Variants in PITPNM3 observed in about 807,000 individuals in gnomAD.
PITPNM3 encodes membrane-associated phosphatidylinositol transfer protein 3.
A neutral mutation model predicts 102.0 loss-of-function variants in PITPNM3; 26 were observed. The observed-to-expected ratio is 0.25, with a 90% confidence interval of 0.19 to 0.35. The LOEUF (loss-of-function observed/expected upper bound fraction) is 0.35, where lower values mean the gene tolerates loss of function less well. PITPNM3 is among the 10% of genes least tolerant of loss of function. PITPNM3 has a pLI of 1.00. For synonymous variants in PITPNM3, 578 were observed against 558.6 expected, an observed-to-expected ratio of 1.03 and a Z score of -0.49; for missense variants, 1,083 against 1,346.1, an observed-to-expected ratio of 0.80 and a Z score of 3.06.
At chr17:6,464,346 C>A in intron 15 of PITPNM3, 28 bp from the exon 16 acceptor site, 4 of 1,610,940 alleles carry the variant, frequency 2.5e-6, no homozygotes, top group Non-Finnish European at 3.4e-6. Context: ...GTCAGGGACT[C>A]CCTGAAGGCT....
chr17:6,484,174 G>A lies in PITPNM3; in HGVS notation c.351+42C>T, dbSNP rs879209085. 3 of 1,535,096 alleles carry A rather than the reference G, an allele frequency of 2.0e-6. No homozygotes were observed. The South Asian group carries it at 3.4e-5, about 17-fold the overall frequency. ...TCCGAGGGCTCTTGCTAAAATCCTGGCCTCTGAGTTGAGCCCAGACACCCT... is the reference window on the plus strand; with the variant it reads ...TCCGAGGGCTCTTGCTAAAATCCTGACCTCTGAGTTGAGCCCAGACACCCT... On this transcript the variant is annotated intron_variant, in intron 5 of 19. Coordinates refer to ENST00000262483, the MANE Select transcript of PITPNM3 (RefSeq NM_031220.4).
At chr17:6,495,881 C>T in intron 4 of PITPNM3, among the ~76,000 whole-genome samples, 1 of 152,196 alleles carries the variant, frequency 6.6e-6, no homozygotes, top group East Asian at 1.9e-4. Context: ...GTAGACTGTG[C>T]AGTGAGGTCT....
At chr17:6,527,047 G>A (rs1214006397) in intron 2 of PITPNM3, among the ~76,000 whole-genome samples, 3 of 152,190 alleles carry the variant, frequency 2.0e-5, no homozygotes, top group Non-Finnish European at 4.4e-5. Context: ...CCTGCTGCAT[G>A]TGAGCTTTGT....
At chr17:6,499,698 C>T (rs1907054711) in intron 4 of PITPNM3, among the ~76,000 whole-genome samples, 2 of 127,114 alleles carry the variant, frequency 1.6e-5, no homozygotes, top group African/African-American at 6.2e-5. Flanking sequence ...ATATGGCCAT[C>T]TTTTCTTTTA....
At position 6,454,547 on chromosome 17, in the gene PITPNM3, A is replaced by C. The variant is rs962639390; in HGVS notation, c.*791T>G. 1 of 152,370 alleles carries C rather than the reference A, an allele frequency of 6.6e-6. No homozygotes were observed. The highest frequency in any genetic ancestry group is 1.5e-5 in the Non-Finnish European group (1 of 68,142). The allele number at this position is 152,370 out of a possible 1,614,324, so 9.4% of individuals were successfully genotyped here. A position where few individuals can be genotyped will look rare whatever the true frequency, so the allele number is the denominator to read the frequency against. On this transcript the variant is annotated 3_prime_UTR_variant, in exon 20 of 20. Transcript: ENST00000262483. ...ATAACAGAAGGAAGACGGAGCCCAG[A>C]GAGGGCAAGCAACCAGCTCAGGGGC...
intron 10 of PITPNM3, among the ~76,000 whole-genome samples, chr17:6,473,891 T>C (rs1905174512): frequency 6.8e-6 from 1 of 147,930 alleles, no homozygotes; most frequent in Non-Finnish European, 1.5e-5. Flanking sequence ...GCAGGAAAAT[T>C]GGTTTAACCC....
intron 3 of PITPNM3, among the ~76,000 whole-genome samples, chr17:6,510,304 G>C (rs532268073): frequency 1.1e-4 from 17 of 152,092 alleles, no homozygotes; most frequent in Non-Finnish European, 2.4e-4. Context: ...TCCAACCTCA[G>C]TCAAGACAAA....
At chr17:6,508,211 G>A (rs1907658303) in intron 3 of PITPNM3, among the ~76,000 whole-genome samples, 1 of 152,218 alleles carries the variant, frequency 6.6e-6, no homozygotes, top group Non-Finnish European at 1.5e-5. Flanking sequence ...TCAGAAAGGA[G>A]GTCGGGACCA....
intron 3 of PITPNM3, among the ~76,000 whole-genome samples, chr17:6,519,134 G>A (rs907412743): frequency 3.4e-5 from 5 of 148,926 alleles, no homozygotes; most frequent in Admixed American, 1.3e-4. Flanking sequence ...TCAGGAGATC[G>A]AGACCGTCCT....
intron 6 of PITPNM3, among the ~76,000 whole-genome samples, chr17:6,483,090 G>A (rs892578246): frequency 4.6e-5 from 7 of 151,954 alleles, no homozygotes; most frequent in African/African-American, 1.7e-4. Flanking sequence ...GACTGCAGGC[G>A]CCCGCCACCT....
At chr17:6,462,935 A>G (rs919484224) in intron 17 of PITPNM3, among the ~76,000 whole-genome samples, 5 of 152,130 alleles carry the variant, frequency 3.3e-5, no homozygotes, top group African/African-American at 9.7e-5. Context: ...TGGGAGGATC[A>G]TGGACCCCCA....
Position 6,457,944 on chromosome 17 carries a change from C to A in PITPNM3, c.2491-222G>T, listed in dbSNP as rs1470959771. On this transcript the variant is annotated intron_variant, in intron 18 of 19. Coordinates refer to ENST00000262483, the MANE Select transcript of PITPNM3 (RefSeq NM_031220.4). The surrounding 1 kb of genome is among the most constrained non-coding windows in gnomAD (Gnocchi z 4.7). ...GTCTCTGCCCAGTAAACAGTCGTGA[C>A]CACACCATTTACCGGCCCCGCCTCC... Among the ~76,000 whole-genome samples, 1 of 150,528 alleles carries A rather than the reference C, an allele frequency of 6.6e-6. No individual in the cohort carries two copies. Among genetic ancestry groups the A allele is most frequent in the Non-Finnish European group, 1.5e-5 (1 of 67,532 alleles).
chr17:6,455,705 G>A, intron 19 of PITPNM3, 62 bp from the exon 20 acceptor site: 2 of 196,266 alleles, frequency 1.0e-5, no homozygotes, highest in Non-Finnish European at 1.6e-5. Flanking sequence ...GGGGAAGAAG[G>A]GAGGGGAGGG....
At chr17:6,467,392 T>C (rs556737484) in intron 14 of PITPNM3, among the ~76,000 whole-genome samples, 3 of 152,224 alleles carry the variant, frequency 2.0e-5, no homozygotes, top group Admixed American at 6.5e-5. Flanking sequence ...AGCTTCTTTT[T>C]GGAGGTTATG....
At chr17:6,492,920 A>C (rs1354084996) in intron 4 of PITPNM3, among the ~76,000 whole-genome samples, 2 of 152,086 alleles carry the variant, frequency 1.3e-5, no homozygotes. Flanking sequence ...TAAAAAAAAA[A>C]AACAATGAAC....
At chr17:6,524,226 T>C (rs577849619) in intron 3 of PITPNM3, among the ~76,000 whole-genome samples, 2 of 152,296 alleles carry the variant, frequency 1.3e-5, no homozygotes, top group African/African-American at 4.8e-5. Context: ...CCTGAGAGCA[T>C]GGCCTTGCCC....
chr17:6,468,282 C>T lies in PITPNM3; in HGVS notation c.1833G>A (p.Leu611=). ...KESARLDPAA[L]SPANPREKWL... ...ACTTCTCCCGGGGGTTGGCAGGACT[C>T]AGTGCTGCAGGGTCCAGGCGGGCGC... Residue 611 remains leucine (L), a synonymous_variant, in exon 14 of 20, where the codon CTG becomes CTA. Transcript: ENST00000262483. The surrounding 1 kb of genome is among the most constrained non-coding windows in gnomAD (Gnocchi z 5.2). The T allele has an allele frequency of 6.2e-7, 1 of 1,613,998 alleles. No individual in the cohort carries two copies. The highest frequency in any genetic ancestry group is 8.5e-7 in the Non-Finnish European group (1 of 1,180,022).
Position 6,478,058 on chromosome 17 carries a change from A to C in PITPNM3, c.817T>G (p.Phe273Val). Residue 273 changes from phenylalanine to valine, a missense_variant, in exon 8 of 20, where the codon TTC becomes GTC. Phe to Val is a conservative substitution (Grantham distance 50). Transcript: ENST00000262483. This position sits in a 1 kb window ranked among gnomAD's most constrained non-coding sequence, Gnocchi z 4.4. ...CCCGCACTGTAGCAGATGGCATCGA[A>C]GGCCAGGAGGCCCCCCACACAGTCC... ...IGDCVGGLLA[F>V]DAICYSAGPS... 1 of 1,613,700 alleles carries C rather than the reference A, an allele frequency of 6.2e-7. No homozygotes were observed. Among genetic ancestry groups the C allele is most frequent in the Non-Finnish European group, 8.5e-7 (1 of 1,180,038 alleles).
intron 16 of PITPNM3, 76 bp from the exon 17 acceptor site, chr17:6,463,957 C>T (rs999669878): frequency 6.9e-6 from 11 of 1,589,578 alleles, no homozygotes; most frequent in Non-Finnish European, 8.6e-6. Flanking sequence ...CAGCCTGTAG[C>T]TGCAGTCAGA....
Sources: gnomAD v4.1 joint callset for allele counts (sites outside exome capture counted in the v4.1 genomes callset) on GRCh38, gnomAD v4.1.1 for gene constraint, Gnocchi (gnomAD v3.1) non-coding constraint, MANE v1.5 for transcripts, NCBI Gene and HGNC (gene_info 2026-07-23, HGNC 2026-07-21) for gene names.